Variants in TUSC3 observed in about 807,000 individuals in gnomAD.
TUSC3 encodes the protein tumor suppressor candidate 3, also known as dolichyl-diphosphooligosaccharide--protein glycosyltransferase subunit TUSC3.
Under a neutral mutation model 44.8 loss-of-function variants are expected in TUSC3, and 45 were observed. The ratio of observed to expected loss-of-function variants is 1.00; its 90% CI spans 0.79 to 1.29. The LOEUF (loss-of-function observed/expected upper bound fraction) is 1.29, where lower values mean the gene tolerates loss of function less well. Ranked by LOEUF, TUSC3 falls within the 50% of genes most tolerant of loss-of-function variation. TUSC3 has a pLI of 0.00. For missense variants in TUSC3, 519 were observed against 437.9 expected, an observed-to-expected ratio of 1.19 and a Z score of -1.65; for synonymous variants, 212 against 152.9, an observed-to-expected ratio of 1.39 and a Z score of -2.85.
intron 1 of TUSC3, among the ~76,000 whole-genome samples, chr8:15,448,307 T>C (rs1800138431): frequency 6.6e-6 from 1 of 151,532 alleles, no homozygotes; most frequent in East Asian, 1.9e-4. Context: ...TTAGTAGAGA[T>C]GAGGTTTCAC....
intron 2 of TUSC3, among the ~76,000 whole-genome samples, chr8:15,509,183 C>A (rs962226824): frequency 1.3e-5 from 2 of 152,336 alleles, no homozygotes; most frequent in Admixed American, 6.5e-5. Flanking sequence ...TTTCCAACAA[C>A]AGAGTACAGA....
intron 2 of TUSC3, among the ~76,000 whole-genome samples, chr8:15,636,340 G>C (rs761299669): frequency 6.6e-6 from 1 of 152,134 alleles, no homozygotes; most frequent in Non-Finnish European, 1.5e-5. Context: ...AGAGATAGCT[G>C]CTGTTTTTTT....
At chr8:15,554,827 G>T (rs1000881627) in intron 1 of TUSC3, among the ~76,000 whole-genome samples, 2 of 150,638 alleles carry the variant, frequency 1.3e-5, no homozygotes, top group African/African-American at 4.9e-5. Context: ...GGATGGTGTC[G>T]ATCTCCTGAC....
At chr8:15,713,148 C>G (rs547643577) in intron 6 of TUSC3, among the ~76,000 whole-genome samples, 11 of 152,094 alleles carry the variant, frequency 7.2e-5, no homozygotes, top group Non-Finnish European at 1.5e-4. Flanking sequence ...TAATACATAA[C>G]TATATAAAAG....
rs575337828 is a variant in TUSC3 at position 15,494,303 on chromosome 8, G to A, written n.189+10820G>A. On this transcript the variant is annotated intron_variant and non_coding_transcript_variant, in intron 2 of 5. Coordinates refer to the TUSC3 transcript ENST00000503191. The stretch of plus-strand genomic sequence containing the variant: ...GTCTCAGGCCCCTGAATCTCCATAG[G>A]GCTTATCTCTCATCTTCTTTTTTTT... 7.4e-5 allele frequency among the ~76,000 whole-genome samples: 11 copies of A among 147,704 alleles called. No individual in the cohort carries two copies. The South Asian group carries it at 2.4e-3, about 32-fold the overall frequency.
At chr8:15,566,688 C>G (rs922777032) in intron 1 of TUSC3, among the ~76,000 whole-genome samples, 3 of 151,814 alleles carry the variant, frequency 2.0e-5, no homozygotes, top group Non-Finnish European at 4.4e-5. Context: ...GGCACAATCA[C>G]AGCTCACGAC....
intron 2 of TUSC3, among the ~76,000 whole-genome samples, chr8:15,623,865 C>G (rs78118132): frequency 6.6e-6 from 1 of 152,078 alleles, no homozygotes; most frequent in Non-Finnish European, 1.5e-5. Flanking sequence ...AGTACAAATT[C>G]ACAAGTAGGG....
chr8:15,417,914 C>T (rs1040386968), intron 1 of TUSC3, among the ~76,000 whole-genome samples: 1 of 151,980 alleles, frequency 6.6e-6, no homozygotes, highest in South Asian at 2.1e-4. Context: ...AGGAGCCTGC[C>T]GATATTAATG....
At chr8:15,612,950 A>G (rs1212076337) in intron 1 of TUSC3, among the ~76,000 whole-genome samples, 1 of 151,940 alleles carries the variant, frequency 6.6e-6, no homozygotes, top group Non-Finnish European at 1.5e-5. Context: ...ATATCAGTTA[A>G]TGTTCACAGA....
At chr8:15,453,385 C>A (rs114342502) in intron 1 of TUSC3, among the ~76,000 whole-genome samples, 2,471 of 152,222 alleles carry the variant, frequency 0.016, 70 homozygotes, top group African/African-American at 0.054. Context: ...TGCCTGCTTA[C>A]TTTTATGGCA....
At chr8:15,836,121 T>G in the TUSC3 span, among the ~76,000 whole-genome samples, 2 of 150,278 alleles carry the variant, frequency 1.3e-5, no homozygotes, top group African/African-American at 4.9e-5. Context: ...TCTCATACTA[T>G]TGTTTAATTT....
chr8:15,464,854 C>CT (rs953234935), intron 1 of TUSC3, among the ~76,000 whole-genome samples: 6 of 151,318 alleles, frequency 4.0e-5, no homozygotes, highest in South Asian at 4.2e-4. Context: ...TCCTTGAAGA[C>CT]TTTTTTTTTG....
chr8:15,825,458 G>T, the TUSC3 span, among the ~76,000 whole-genome samples: 536 of 152,096 alleles, frequency 3.5e-3, 4 homozygotes, highest in African/African-American at 0.013. Flanking sequence ...CAGCATTGTG[G>T]AAAGACCTGT....
chr8:15,473,204 T>C (rs1800519779), intron 1 of TUSC3, among the ~76,000 whole-genome samples: 1 of 152,174 alleles, frequency 6.6e-6, no homozygotes, highest in African/African-American at 2.4e-5. Flanking sequence ...TTGTCAATAT[T>C]ATATTTGGAA....
At chr8:15,755,737 G>GA (rs551082933) in intron 9 of TUSC3, among the ~76,000 whole-genome samples, 24 of 146,344 alleles carry the variant, frequency 1.6e-4, no homozygotes, top group Middle Eastern at 3.5e-3. Context: ...CTTAAAAAAA[G>GA]AAAAAAAAAA....
chr8:15,655,827 G>A (rs544995435), intron 3 of TUSC3, among the ~76,000 whole-genome samples: 1 of 152,276 alleles, frequency 6.6e-6, no homozygotes, highest in East Asian at 1.9e-4. Context: ...AACATTAGCA[G>A]TAATACTGGT....
At chr8:15,442,029 A>G (rs548657970) in intron 1 of TUSC3, among the ~76,000 whole-genome samples, 1 of 152,214 alleles carries the variant, frequency 6.6e-6, no homozygotes, top group African/African-American at 2.4e-5. Context: ...CTTAAATCAT[A>G]TAACTGACTG....
the TUSC3 span, among the ~76,000 whole-genome samples, chr8:15,835,011 T>C: frequency 8.5e-5 from 13 of 152,198 alleles, no homozygotes; most frequent in Non-Finnish European, 1.6e-4. Flanking sequence ...TAGGGAAGCA[T>C]GACTGTAAGC....
At chr8:15,839,477 C>T in the TUSC3 span, among the ~76,000 whole-genome samples, 5 of 151,818 alleles carry the variant, frequency 3.3e-5, no homozygotes, top group African/African-American at 1.2e-4. Flanking sequence ...ATCTACTCAT[C>T]TGACAAAGGG....
Sources: gnomAD v4.1 joint callset for allele counts (sites outside exome capture counted in the v4.1 genomes callset) on GRCh38, gnomAD v4.1.1 for gene constraint, MANE v1.5 for transcripts, NCBI Gene and HGNC (gene_info 2026-07-23, HGNC 2026-07-21) for gene names.